Variants in TAS2R1 observed in about 807,000 individuals in gnomAD.
TAS2R1 encodes the protein taste receptor type 2 member 1.
For synonymous variants in TAS2R1, 141 were observed against 134.2 expected, an observed-to-expected ratio of 1.05 and a Z score of -0.35; for missense variants, 370 against 353.4, an observed-to-expected ratio of 1.05 and a Z score of -0.38.
the TAS2R1 span, among the ~76,000 whole-genome samples, chr5:9,804,673 A>G: frequency 6.6e-6 from 1 of 152,196 alleles, no homozygotes; most frequent in Non-Finnish European, 1.5e-5. Flanking sequence ...TCAAGATGGA[A>G]ATAAAAAATT....
upstream of TAS2R1, chr5:9,712,525 G>A (rs1482183109): frequency 6.6e-6 from 1 of 152,326 alleles, no homozygotes; most frequent in East Asian, 1.9e-4. Flanking sequence ...GGCTTCTATA[G>A]ACGAAGGAAT....
the TAS2R1 span, among the ~76,000 whole-genome samples, chr5:9,802,024 C>T: frequency 6.6e-6 from 1 of 152,196 alleles, no homozygotes; most frequent in African/African-American, 2.4e-5. Context: ...AACCTGAATA[C>T]TTAACCAGGC....
chr5:9,650,782 T>A (rs1740289249), intron 2 of TAS2R1, among the ~76,000 whole-genome samples: 1 of 152,194 alleles, frequency 6.6e-6, no homozygotes, highest in Admixed American at 6.6e-5. Context: ...CTTACTACTA[T>A]CCAACATATT....
intron 1 of TAS2R1, among the ~76,000 whole-genome samples, chr5:9,662,754 T>TTA (rs1182939724): frequency 2.0e-5 from 3 of 152,234 alleles, no homozygotes; most frequent in African/African-American, 7.2e-5. Flanking sequence ...TATAACTCAG[T>TTA]TAAGAAAGAA....
At chr5:9,703,363 T>C (rs1273111198) in intron 1 of TAS2R1, among the ~76,000 whole-genome samples, 2 of 152,186 alleles carry the variant, frequency 1.3e-5, no homozygotes, top group Admixed American at 6.5e-5. Flanking sequence ...AAGTCTATAA[T>C]ACTGATGGGT....
intron 1 of TAS2R1, among the ~76,000 whole-genome samples, chr5:9,702,753 G>A (rs989135047): frequency 6.6e-6 from 1 of 152,158 alleles, no homozygotes; most frequent in African/African-American, 2.4e-5. Flanking sequence ...CAGAAGGATA[G>A]AAGGATGGAA....
At chr5:9,826,947 C>A in the TAS2R1 span, among the ~76,000 whole-genome samples, 1 of 152,170 alleles carries the variant, frequency 6.6e-6, no homozygotes, top group African/African-American at 2.4e-5. Context: ...GTCTCCAATA[C>A]TTCTAATACT....
chr5:9,687,805 G>C (rs1741159032), intron 1 of TAS2R1, among the ~76,000 whole-genome samples: 1 of 152,152 alleles, frequency 6.6e-6, no homozygotes, highest in Admixed American at 6.5e-5. Flanking sequence ...TTACCCCTCA[G>C]CTGAAATCTT....
rs181958067 is a variant in TAS2R1, at chr5:9,684,646, C to T, written c.-241-25065G>A. On this transcript the variant is annotated intron_variant, in intron 1 of 2. Coordinates refer to the TAS2R1 transcript ENST00000506620. ...TTAAGTGTTCCTCCTGTCTCAGCCT[C>T]CTGGGTAGCTGGGACTCAGCACGCC... 3.7e-3 allele frequency among the ~76,000 whole-genome samples: 565 copies of T among 152,214 alleles called. 1 individual carries two copies. The highest frequency in any genetic ancestry group is 5.0e-3 in the Non-Finnish European group (337 of 68,010).
the TAS2R1 span, among the ~76,000 whole-genome samples, chr5:9,802,106 C>G: frequency 1.6e-4 from 25 of 152,330 alleles, no homozygotes; most frequent in Admixed American, 7.2e-4. Context: ...CACCTACTGG[C>G]TGGCAGCCAA....
the TAS2R1 span, among the ~76,000 whole-genome samples, chr5:9,799,249 C>T: frequency 6.6e-6 from 1 of 152,226 alleles, no homozygotes. Context: ...AATGCTGACA[C>T]TTTTTCATTC....
At chr5:9,893,369 T>C in the TAS2R1 span, among the ~76,000 whole-genome samples, 1 of 152,166 alleles carries the variant, frequency 6.6e-6, no homozygotes, top group Non-Finnish European at 1.5e-5. Flanking sequence ...CCTGTGCTTC[T>C]GTCCATGAGT....
At chr5:9,763,658 C>T in the TAS2R1 span, among the ~76,000 whole-genome samples, 35 of 152,228 alleles carry the variant, frequency 2.3e-4, no homozygotes, top group African/African-American at 7.2e-4. Flanking sequence ...CCTGCTCTGC[C>T]GTGGGGCACT....
chr5:9,878,181 G>T, the TAS2R1 span, among the ~76,000 whole-genome samples: 13 of 152,238 alleles, frequency 8.5e-5, no homozygotes, highest in African/African-American at 3.1e-4. Flanking sequence ...ATACTATTCA[G>T]CAGAGAATAA....
chr5:9,672,449 C>T (rs1440738863), intron 1 of TAS2R1, among the ~76,000 whole-genome samples: 2 of 152,024 alleles, frequency 1.3e-5, no homozygotes, highest in East Asian at 3.9e-4. Context: ...AAAAAACAAA[C>T]GACCCCATCA....
rs1739829000 is a variant in TAS2R1, at chr5:9,629,599, C to T, written c.434G>A (p.Ser145Asn). 6.2e-7 allele frequency: 1 copy of T among 1,614,100 alleles called. No homozygotes were observed. The highest frequency in any genetic ancestry group is 1.3e-5 in the African/African-American group (1 of 75,018). ...LYVSMICVFH[S>N]KYAGFMVPYF... ...TGGGACCATAAACCCTGCATATTTG[C>T]TATGGAAAACACAAATCATAGATAC... The change falls in exon 1 of 1, where the codon AGC becomes AAC. Residue 145 changes from serine to asparagine, a missense_variant. Coordinates refer to ENST00000382492, the MANE Select transcript of TAS2R1 (RefSeq NM_019599.3).
At chr5:9,720,930 A>G in the TAS2R1 span, among the ~76,000 whole-genome samples, 1 of 152,314 alleles carries the variant, frequency 6.6e-6, no homozygotes, top group African/African-American at 2.4e-5. Context: ...CATTAGACAG[A>G]TGCCTCAGCT....
At chr5:9,873,385 A>G in the TAS2R1 span, among the ~76,000 whole-genome samples, 1 of 150,634 alleles carries the variant, frequency 6.6e-6, no homozygotes, top group East Asian at 2.0e-4. Context: ...AGGAGAGCAG[A>G]AGAAACCACT....
chr5:9,713,438 A>G (rs1454760879), upstream of TAS2R1, among the ~76,000 whole-genome samples: 2 of 152,002 alleles, frequency 1.3e-5, no homozygotes, highest in Non-Finnish European at 2.9e-5. Context: ...GCTTTTGCAA[A>G]TGCGTCTTCT....
Sources: gnomAD v4.1 joint callset for allele counts (sites outside exome capture counted in the v4.1 genomes callset) on GRCh38, gnomAD v4.1.1 for gene constraint, MANE v1.5 for transcripts, NCBI Gene and HGNC (gene_info 2026-07-23, HGNC 2026-07-21) for gene names.